Variants in CCDC171 observed in about 807,000 individuals in gnomAD.
CCDC171 encodes coiled-coil domain containing 171, also known as coiled-coil domain-containing protein 171.
A neutral mutation model predicts 168.2 loss-of-function variants in CCDC171; 177 were observed. The observed-to-expected ratio is 1.05, with a 90% CI of 0.93 to 1.19. CCDC171 has a LOEUF of 1.19. Among genes scored for constraint, CCDC171 ranks in the 50% most tolerant of loss-of-function variants. The pLI is 0.00. For synonymous variants in CCDC171, 687 were observed against 540.8 expected, an observed-to-expected ratio of 1.27 and a Z score of -3.75; for missense variants, 1,991 against 1,539.0, an observed-to-expected ratio of 1.29 and a Z score of -4.91.
intron 3 of CCDC171, among the ~76,000 whole-genome samples, chr9:15,982,062 A>G (rs781088579): frequency 1.3e-5 from 2 of 152,192 alleles, no homozygotes; most frequent in Non-Finnish European, 2.9e-5. Flanking sequence ...GGAGAATGCA[A>G]ACTTCTTTTG....
At chr9:16,024,123 C>T (rs1434851577) in intron 6 of CCDC171, among the ~76,000 whole-genome samples, 2 of 152,090 alleles carry the variant, frequency 1.3e-5, no homozygotes, top group Non-Finnish European at 2.9e-5. Flanking sequence ...AATAGAGTCT[C>T]ACCTAGATCC....
intron 5 of CCDC171, among the ~76,000 whole-genome samples, chr9:15,593,572 C>T (rs991243573): frequency 2.0e-5 from 3 of 151,872 alleles, no homozygotes; most frequent in African/African-American, 4.8e-5. Flanking sequence ...ATACATTGCT[C>T]GTGTCAAATT....
intron 6 of CCDC171, among the ~76,000 whole-genome samples, chr9:15,616,425 A>G (rs779760999): frequency 2.0e-5 from 3 of 151,958 alleles, no homozygotes; most frequent in Non-Finnish European, 2.9e-5. Context: ...GACTTCCTAA[A>G]TAATTTATTT....
chr9:15,658,424 A>G (rs2048092960), intron 8 of CCDC171, among the ~76,000 whole-genome samples: 1 of 152,210 alleles, frequency 6.6e-6, no homozygotes, highest in Non-Finnish European at 1.5e-5. Context: ...CAAGACAACG[A>G]CTGTAGCAAT....
chr9:15,589,050 C>T (rs1046891208), intron 4 of CCDC171, among the ~76,000 whole-genome samples: 2 of 151,538 alleles, frequency 1.3e-5, no homozygotes, highest in Admixed American at 1.3e-4. Flanking sequence ...CCACAGAAAA[C>T]GTCGTTGTTT....
At chr9:15,736,152 C>G (rs2054477295) in intron 16 of CCDC171, among the ~76,000 whole-genome samples, 1 of 152,162 alleles carries the variant, frequency 6.6e-6, no homozygotes, top group Admixed American at 6.5e-5. Context: ...TGTGAAATGT[C>G]TAGCCCATTG....
chr9:15,994,301 C>G (rs1485788184), intron 3 of CCDC171, among the ~76,000 whole-genome samples: 1 of 152,124 alleles, frequency 6.6e-6, no homozygotes. Context: ...ATGGATGAAG[C>G]TGGAAACCAT....
chr9:15,824,192 A>G (rs181173501), intron 21 of CCDC171, among the ~76,000 whole-genome samples: 111 of 152,168 alleles, frequency 7.3e-4, no homozygotes, highest in African/African-American at 2.5e-3. Flanking sequence ...ATCTGTATAG[A>G]CATCCACATA....
intron 21 of CCDC171, among the ~76,000 whole-genome samples, chr9:15,842,962 A>T (rs1167716138): frequency 6.6e-6 from 1 of 151,956 alleles, no homozygotes; most frequent in Non-Finnish European, 1.5e-5. Flanking sequence ...GTCATTTAAT[A>T]TTCACATTTA....
intron 25 of CCDC171, among the ~76,000 whole-genome samples, chr9:15,948,695 T>G (rs1229271658): frequency 6.6e-6 from 1 of 151,662 alleles, no homozygotes; most frequent in Non-Finnish European, 1.5e-5. Context: ...TAAATTTGTT[T>G]GAGTTCATTG....
intron 10 of CCDC171, among the ~76,000 whole-genome samples, chr9:15,690,026 C>G (rs2050678936): frequency 6.6e-6 from 1 of 151,990 alleles, no homozygotes; most frequent in South Asian, 2.1e-4. Context: ...ATGAATTTAC[C>G]TCAGCCTGGG....
intron 25 of CCDC171, among the ~76,000 whole-genome samples, chr9:15,965,453 T>A (rs1396515788): frequency 6.6e-6 from 1 of 152,220 alleles, no homozygotes; most frequent in East Asian, 1.9e-4. Flanking sequence ...AAGATTCACA[T>A]CCCTTTCTAC....
intron 6 of CCDC171, among the ~76,000 whole-genome samples, chr9:16,032,700 C>T (rs529656837): frequency 1.3e-5 from 2 of 152,308 alleles, no homozygotes; most frequent in South Asian, 4.1e-4. Context: ...TCATAGCAGC[C>T]TCAAACTCCT....
At chr9:15,944,716 A>G (rs1306938834) in intron 25 of CCDC171, among the ~76,000 whole-genome samples, 2 of 151,976 alleles carry the variant, frequency 1.3e-5, no homozygotes, top group African/African-American at 4.8e-5. Flanking sequence ...GTTATAATCA[A>G]TTGAGGATAG....
the CCDC171 span, among the ~76,000 whole-genome samples, chr9:16,083,307 G>A: frequency 4.6e-5 from 7 of 152,032 alleles, no homozygotes; most frequent in South Asian, 4.2e-4. Context: ...ACAACTCAGG[G>A]AAGCAAAGTA....
chr9:15,801,929 G>A (rs1264561180), intron 21 of CCDC171, among the ~76,000 whole-genome samples: 1 of 151,694 alleles, frequency 6.6e-6, no homozygotes, highest in Non-Finnish European at 1.5e-5. Context: ...CACATTTATT[G>A]GCATATGTTG....
intron 24 of CCDC171, among the ~76,000 whole-genome samples, chr9:15,917,428 G>A (rs900782775): frequency 4.9e-4 from 74 of 151,638 alleles, no homozygotes; most frequent in African/African-American, 1.4e-3. Context: ...CTTTAAGAGA[G>A]TTGGAATGTT....
intron 23 of CCDC171, among the ~76,000 whole-genome samples, chr9:15,874,089 T>C (rs1040165612): frequency 6.6e-6 from 1 of 152,284 alleles, no homozygotes; most frequent in Non-Finnish European, 1.5e-5. Flanking sequence ...ATTGAAGTTT[T>C]CTTTTCAAAG....
At chr9:16,008,611 C>T (rs1175079892) in intron 3 of CCDC171, among the ~76,000 whole-genome samples, 1 of 152,144 alleles carries the variant, frequency 6.6e-6, no homozygotes, top group Non-Finnish European at 1.5e-5. Context: ...TCTTTCTGGT[C>T]CCCTGTTCTT....
Sources: allele counts gnomAD v4.1 joint callset (sites outside exome capture counted in the v4.1 genomes callset), GRCh38; gene constraint gnomAD v4.1.1; transcripts MANE v1.5; gene names NCBI Gene and HGNC (gene_info 2026-07-23, HGNC 2026-07-21).